ADGRG5: variants seen among roughly 807,000 people sequenced by gnomAD.
ADGRG5 encodes adhesion G protein-coupled receptor G5, also known as G protein-coupled receptor 114.
ADGRG5 carries 37 observed loss-of-function variants against 53.2 expected under a neutral mutation model. The ratio of observed to expected loss-of-function variants is 0.70; its 90% CI spans 0.53 to 0.91. The LOEUF (loss-of-function observed/expected upper bound fraction) is 0.91. ADGRG5 is among the 40% of genes least tolerant of loss of function. ADGRG5 has a pLI of 0.00. For missense variants in ADGRG5, 614 were observed against 675.8 expected, an observed-to-expected ratio of 0.91 and a Z score of 1.01; for synonymous variants, 277 against 290.4, an observed-to-expected ratio of 0.95 and a Z score of 0.47.
intron 1 of ADGRG5, among the ~76,000 whole-genome samples, chr16:57,546,356 G>A (rs1017307902): frequency 1.3e-5 from 2 of 152,060 alleles, no homozygotes; most frequent in Non-Finnish European, 1.5e-5. Context: ...GAATTCCTGA[G>A]CTCAAATGAT....
chr16:57,536,027 G>T, the ADGRG5 span, among the ~76,000 whole-genome samples: 2 of 152,190 alleles, frequency 1.3e-5, no homozygotes, highest in African/African-American at 2.4e-5. Flanking sequence ...GAGGGTGGAG[G>T]GGGTTCCCGG....
At chr16:57,571,801 C>G (rs957553299) in intron 10 of ADGRG5, among the ~76,000 whole-genome samples, 1 of 151,710 alleles carries the variant, frequency 6.6e-6, no homozygotes, top group African/African-American at 2.4e-5. Context: ...CGTGCCACCA[C>G]GCTCAGTTAA....
At chr16:57,539,921 A>G (rs1217886889), upstream of ADGRG5, among the ~76,000 whole-genome samples, 2 of 152,158 alleles carry the variant, frequency 1.3e-5, no homozygotes, top group African/African-American at 4.8e-5. Flanking sequence ...TAAGGGACAT[A>G]GTCTGTGTTA....
upstream of ADGRG5, among the ~76,000 whole-genome samples, chr16:57,538,535 G>T (rs1377828379): frequency 6.6e-6 from 1 of 152,134 alleles, no homozygotes; most frequent in Non-Finnish European, 1.5e-5. Flanking sequence ...CGAGTAACTG[G>T]CCCGGGGTCA....
chr16:57,563,629 A>C (rs1169841983), intron 4 of ADGRG5, among the ~76,000 whole-genome samples: 1 of 152,140 alleles, frequency 6.6e-6, no homozygotes, highest in Non-Finnish European at 1.5e-5. Flanking sequence ...CTCCATCTTC[A>C]GGGGTTCAGT....
chr16:57,529,087 G>A, the ADGRG5 span: 4 of 1,170,682 alleles, frequency 3.4e-6, no homozygotes, highest in South Asian at 4.2e-5. This position sits in a 1 kb window ranked among gnomAD's most constrained non-coding sequence, Gnocchi z 4.1. Context: ...GGCCCCATGC[G>A]CTCCGGCGAC....
intron 1 of ADGRG5, among the ~76,000 whole-genome samples, chr16:57,546,014 C>T (rs896613020): frequency 2.6e-5 from 4 of 152,090 alleles, no homozygotes; most frequent in African/African-American, 9.7e-5. Context: ...TTAGTAGAGA[C>T]AGAGTTTCAC....
chr16:57,543,594 T>C (rs1344919815), intron 1 of ADGRG5, among the ~76,000 whole-genome samples: 1 of 152,108 alleles, frequency 6.6e-6, no homozygotes, highest in African/African-American at 2.4e-5. Flanking sequence ...GTTAGTGCTT[T>C]TTTGCAGAGA....
intron 1 of ADGRG5, among the ~76,000 whole-genome samples, chr16:57,554,617 C>A (rs1453550214): frequency 6.6e-6 from 1 of 152,156 alleles, no homozygotes; most frequent in Non-Finnish European, 1.5e-5. Context: ...ACTTTGTGAT[C>A]CGCCCACCTT....
chr16:57,553,519 A>G (rs1427621364), intron 1 of ADGRG5, among the ~76,000 whole-genome samples: 11 of 152,198 alleles, frequency 7.2e-5, no homozygotes, highest in African/African-American at 2.2e-4. Flanking sequence ...TGGACTCTCT[A>G]TTCTGTTCTA....
At chr16:57,572,276 C>A (rs1210289238) in intron 10 of ADGRG5, among the ~76,000 whole-genome samples, 1 of 152,014 alleles carries the variant, frequency 6.6e-6, no homozygotes, top group African/African-American at 2.4e-5. Flanking sequence ...GAGATCAAGA[C>A]CATCCTGGCT....
At chr16:57,541,031 T>A (rs8044642), upstream of ADGRG5, among the ~76,000 whole-genome samples, 14,681 of 152,184 alleles carry the variant, frequency 0.096, 800 homozygotes, top group East Asian at 0.22. Context: ...CCTTAAGTAA[T>A]CTGCCTGCCT....
chr16:57,534,106 C>T, the ADGRG5 span, among the ~76,000 whole-genome samples: 5 of 152,148 alleles, frequency 3.3e-5, no homozygotes, highest in Admixed American at 3.3e-4. Flanking sequence ...AACCCCCACC[C>T]ATCTTCAAGT....
At chr16:57,564,067 G>A (rs1192393358) in intron 5 of ADGRG5, 88 bp downstream of exon 5, 1 of 1,465,708 alleles carries the variant, frequency 6.8e-7, no homozygotes, top group Non-Finnish European at 9.4e-7. Context: ...TGGCCTCTGG[G>A]TGACCAGCAC....
Position 57,563,221 on chromosome 16 carries a change from A to C in ADGRG5, c.271A>C (p.Ser91Arg). Reference protein sequence around the residue: ...SCDFSGLSLTSATLKRVPQAG... With the variant: ...SCDFSGLSLTRATLKRVPQAG... The stretch of plus-strand genomic sequence containing the variant: ...TGACTTCTCTGGCCTCTCGCTGACC[A>C]GTGCCACTCTGAAGCGGGTGCCCCA... Residue 91 changes from serine (S) to arginine (R), a missense_variant, in exon 4 of 12, where the codon AGT (serine) becomes CGT (arginine). Ser to Arg is a moderately radical substitution (Grantham distance 110, BLOSUM62 -1). Transcript: ENST00000349457. The C allele has an allele frequency of 6.2e-7, 1 of 1,614,120 alleles. No individual in the cohort carries two copies. The highest frequency in any genetic ancestry group is 8.5e-7 in the Non-Finnish European group (1 of 1,180,020).
At position 57,570,681 on chromosome 16, in the gene ADGRG5, G is replaced by A. The variant is rs1361853932; in HGVS notation, c.1208+146G>A. ...GGGCTTAGACAGGGGAGTTTGCAGG[G>A]GGCTCCACCACATCCCTTCCATGGA... On this transcript the variant is annotated intron_variant, in intron 10 of 11. Coordinates refer to ENST00000349457, the MANE Select transcript of ADGRG5 (RefSeq NM_001304376.3). 5 of 622,370 alleles carry A rather than the reference G, an allele frequency of 8.0e-6. No individual in the cohort carries two copies. In the African/African-American group the frequency reaches 9.1e-5, roughly 11 times the overall value. 38.6% of individuals were successfully genotyped at this position (622,370 alleles called of 1,614,324 possible). A position where few individuals can be genotyped will look rare whatever the true frequency, so the allele number is the denominator to read the frequency against.
At chr16:57,561,459 T>C (rs934237627) in intron 1 of ADGRG5, among the ~76,000 whole-genome samples, 1 of 152,210 alleles carries the variant, frequency 6.6e-6, no homozygotes, top group Non-Finnish European at 1.5e-5. Flanking sequence ...AGCAGCTTCC[T>C]GAGAGGCTTT....
intron 9 of ADGRG5, among the ~76,000 whole-genome samples, chr16:57,568,970 CCAT>C (rs2033241448): frequency 1.3e-5 from 2 of 150,172 alleles, no homozygotes; most frequent in Admixed American, 6.6e-5. Context: ...TCTATCACCA[CCAT>C]CATCACCTCC....
At chr16:57,550,290 T>A (rs1281480897) in intron 1 of ADGRG5, among the ~76,000 whole-genome samples, 2 of 152,206 alleles carry the variant, frequency 1.3e-5, no homozygotes, top group Non-Finnish European at 1.5e-5. Flanking sequence ...TCTATATACA[T>A]CTTCATTGGT....
Sources: allele counts gnomAD v4.1 joint callset (sites outside exome capture counted in the v4.1 genomes callset), GRCh38; gene constraint gnomAD v4.1.1; non-coding constraint Gnocchi (gnomAD v3.1); transcripts MANE v1.5; gene names NCBI Gene and HGNC (gene_info 2026-07-23, HGNC 2026-07-21).